The following ESRRG variants were observed in gnomAD, a reference collection of about 807,000 sequenced individuals.
The protein encoded by ESRRG is estrogen related receptor gamma.
In ESRRG, 13 loss-of-function variants were observed where a neutral mutation model predicts 44.0. The ratio of observed to expected loss-of-function variants is 0.30; its 90% CI spans 0.19 to 0.47. ESRRG has a LOEUF of 0.47. ESRRG is among the 20% of genes least tolerant of loss of function. The pLI, the probability that ESRRG is intolerant of heterozygous loss-of-function variation, is 1.00. For synonymous variants in ESRRG, 215 were observed against 214.6 expected (o/e 1.00, Z -0.02); for missense variants, 395 against 580.6 (o/e 0.68, Z 3.29).
chr1:217,015,687 A>G (rs993498488), intron 1 of ESRRG, among the ~76,000 whole-genome samples: 4 of 151,442 alleles, frequency 2.6e-5, no homozygotes, highest in African/African-American at 7.3e-5. Context: ...ATATTTCAGG[A>G]ACCTCAGGTT....
At chr1:216,619,667 G>A (rs2061918440) in intron 3 of ESRRG, among the ~76,000 whole-genome samples, 1 of 152,116 alleles carries the variant, frequency 6.6e-6, no homozygotes, top group Non-Finnish European at 1.5e-5. Context: ...TTTTCCTGAA[G>A]CCTGCTTACC....
rs535179430 is a variant in ESRRG, at chr1:217,014,259, T to C, written c.-105-74586A>G. ...AAGTGGGTGTTGACTGACAGACAGG[T>C]TGCTATGGGAACAGCTGTCATTGCA... On this transcript the variant is annotated intron_variant, in intron 1 of 7. Transcript: ENST00000359162. 7.2e-5 allele frequency among the ~76,000 whole-genome samples: 11 copies of C among 152,250 alleles called. No homozygotes were observed. The East Asian group carries it at 2.1e-3, about 29-fold the overall frequency.
chr1:216,838,792 G>A (rs2095607091), intron 2 of ESRRG, among the ~76,000 whole-genome samples: 3 of 152,144 alleles, frequency 2.0e-5, no homozygotes, highest in Non-Finnish European at 2.9e-5. Context: ...GTGTGCAATA[G>A]CATTATGTCT....
chr1:216,942,276 T>C (rs1485878242), intron 1 of ESRRG, among the ~76,000 whole-genome samples: 1 of 152,204 alleles, frequency 6.6e-6, no homozygotes, highest in Non-Finnish European at 1.5e-5. Flanking sequence ...TGGTATTCCA[T>C]ATTCTATAGG....
intron 1 of ESRRG, among the ~76,000 whole-genome samples, chr1:217,066,255 C>CTTTTTTTTTTTTTT (rs68151743): frequency 3.0e-5 from 4 of 132,498 alleles, no homozygotes; most frequent in Non-Finnish European, 4.8e-5. Flanking sequence ...TTTTTCTTTT[C>CTTTTTTTTTTTTTT]TTTTTTTTTT....
chr1:216,723,132 C>T, intron 1 of ESRRG, 112 bp downstream of exon 1: 1 of 863,080 alleles, frequency 1.2e-6, no homozygotes, highest in Non-Finnish European at 1.9e-6. Context: ...AGCAGTCGTG[C>T]ACACAAAATA....
chr1:216,831,568 A>G (rs2095488181), intron 2 of ESRRG, among the ~76,000 whole-genome samples: 2 of 152,126 alleles, frequency 1.3e-5, no homozygotes, highest in African/African-American at 4.8e-5. Flanking sequence ...GAGGAAGGAA[A>G]GAAGAGAAAG....
chr1:216,985,069 G>A (rs536293248), intron 1 of ESRRG, among the ~76,000 whole-genome samples: 8 of 152,266 alleles, frequency 5.3e-5, no homozygotes, highest in Non-Finnish European at 1.0e-4. Flanking sequence ...TGCCAGTATG[G>A]AACCCCTTTA....
At chr1:216,718,623 T>G (rs1348318562) in intron 1 of ESRRG, among the ~76,000 whole-genome samples, 1 of 151,924 alleles carries the variant, frequency 6.6e-6, no homozygotes, top group Non-Finnish European at 1.5e-5. Context: ...CTGCAATTCA[T>G]TCTATCTGTT....
At chr1:217,048,187 C>T (rs901028380) in intron 1 of ESRRG, among the ~76,000 whole-genome samples, 3 of 152,140 alleles carry the variant, frequency 2.0e-5, no homozygotes, top group Admixed American at 6.5e-5. Context: ...GGTAGTACAG[C>T]AGGATCTAGG....
rs1579778698 is a variant in ESRRG, at chr1:217,031,046, G to C, written c.-106+58461C>G. Among the ~76,000 whole-genome samples the C allele has an allele frequency of 2.0e-5, 3 of 152,282 alleles. No individual in the cohort carries two copies. The East Asian group carries it at 5.8e-4, about 29-fold the overall frequency. The stretch of plus-strand genomic sequence containing the variant: ...TGTTGCACAGCCATGCTCTAAAGGA[G>C]AGTTTGGCAAACTATGGCTTGCAGG... On this transcript the variant is annotated intron_variant, in intron 1 of 7. Coordinates refer to the ESRRG transcript ENST00000359162.
chr1:217,085,359 G>T (rs1412731729), intron 1 of ESRRG, among the ~76,000 whole-genome samples: 1 of 151,890 alleles, frequency 6.6e-6, no homozygotes, highest in African/African-American at 2.4e-5. Flanking sequence ...TGGGGCTCTG[G>T]CTCTCCCTTT....
chr1:216,913,915 T>C (rs1045206957), intron 2 of ESRRG, among the ~76,000 whole-genome samples: 3 of 152,202 alleles, frequency 2.0e-5, no homozygotes, highest in African/African-American at 7.2e-5. Flanking sequence ...TCTAGGGGAA[T>C]TAGGATGAGG....
intron 3 of ESRRG, among the ~76,000 whole-genome samples, chr1:216,646,372 G>GA (rs1279622582): frequency 6.6e-6 from 1 of 152,136 alleles, no homozygotes; most frequent in East Asian, 1.9e-4. Context: ...CTCCTGCTAA[G>GA]CATGTACTAG....
chr1:216,800,217 A>G (rs1576680200), intron 2 of ESRRG, among the ~76,000 whole-genome samples: 1 of 152,168 alleles, frequency 6.6e-6, no homozygotes, highest in Non-Finnish European at 1.5e-5. Flanking sequence ...ATTGTCACCA[A>G]TGCCCCCAGC....
chr1:217,102,226 G>A (rs999010333), intron 1 of ESRRG, among the ~76,000 whole-genome samples: 3 of 152,172 alleles, frequency 2.0e-5, no homozygotes, highest in African/African-American at 7.2e-5. Flanking sequence ...TTTTAAATCT[G>A]TAAAAACGGA....
At chr1:216,710,519 TC>T (rs1465944495) in intron 1 of ESRRG, among the ~76,000 whole-genome samples, 1 of 152,206 alleles carries the variant, frequency 6.6e-6, no homozygotes. Context: ...GCTTTTTATG[TC>T]TTTTGGTAAA....
chr1:216,706,593 A>T (rs2082502854), intron 1 of ESRRG, among the ~76,000 whole-genome samples: 1 of 152,180 alleles, frequency 6.6e-6, no homozygotes. Flanking sequence ...GAAACTTACA[A>T]CATCATGATG....
chr1:216,910,654 T>C (rs71643425), intron 2 of ESRRG, among the ~76,000 whole-genome samples: 1 of 152,210 alleles, frequency 6.6e-6, no homozygotes, highest in Non-Finnish European at 1.5e-5. Flanking sequence ...ATACTCTTGA[T>C]GTCAGGAAAT....
Sources: gnomAD v4.1 joint callset for allele counts (sites outside exome capture counted in the v4.1 genomes callset) on GRCh38, gnomAD v4.1.1 for gene constraint, MANE v1.5 for transcripts, NCBI Gene and HGNC (gene_info 2026-07-23, HGNC 2026-07-21) for gene names.